The following CHODL variants were observed in gnomAD, a reference collection of about 807,000 sequenced individuals.
The protein encoded by CHODL is chondrolectin, also known as transmembrane protein MT75.
A neutral mutation model predicts 34.5 loss-of-function variants in CHODL; 29 were observed. The observed-to-expected ratio is 0.84, with a 90% CI of 0.63 to 1.15. CHODL has a LOEUF of 1.15. Among genes scored for constraint, CHODL ranks in the 50% most tolerant of loss-of-function variants. The pLI is 0.00. For missense variants in CHODL, 332 were observed against 332.5 expected, an observed-to-expected ratio of 1.00 and a Z score of 0.01; for synonymous variants, 125 against 116.1, an observed-to-expected ratio of 1.08 and a Z score of -0.49.
chr21:18,155,344 A>G (rs2073022719), intron 2 of CHODL, among the ~76,000 whole-genome samples: 1 of 152,160 alleles, frequency 6.6e-6, no homozygotes, highest in Non-Finnish European at 1.5e-5. Flanking sequence ...TTGCAAACTC[A>G]ATGGCATGGA....
intron 2 of CHODL, among the ~76,000 whole-genome samples, chr21:18,211,519 A>G (rs1006179317): frequency 4.6e-5 from 7 of 152,224 alleles, no homozygotes; most frequent in Non-Finnish European, 1.0e-4. Flanking sequence ...TGGTCTTGGG[A>G]CATTGTGAGT....
chr21:18,057,169 A>C (rs1474668534), intron 2 of CHODL, among the ~76,000 whole-genome samples: 1 of 152,042 alleles, frequency 6.6e-6, no homozygotes, highest in Non-Finnish European at 1.5e-5. Context: ...GCATTCTGGG[A>C]GTGGAGTGGG....
At chr21:18,125,781 T>A (rs1314758195) in intron 2 of CHODL, among the ~76,000 whole-genome samples, 1 of 151,946 alleles carries the variant, frequency 6.6e-6, no homozygotes. Flanking sequence ...AAAACTTTTG[T>A]ATGGAAAAAG....
intron 2 of CHODL, among the ~76,000 whole-genome samples, chr21:18,174,529 T>C (rs1290447547): frequency 6.6e-6 from 1 of 152,178 alleles, no homozygotes; most frequent in African/African-American, 2.4e-5. Context: ...TATAAGCTTT[T>C]CTTAATTTGT....
At chr21:18,247,693 T>C (rs2897338) in intron 1 of CHODL, among the ~76,000 whole-genome samples, 10,707 of 152,152 alleles carry the variant, frequency 0.07, 1,236 homozygotes, top group African/African-American at 0.24. Context: ...CAAGATGTGA[T>C]ATGATGATAG....
chr21:18,087,412 C>T (rs186332160), intron 2 of CHODL, among the ~76,000 whole-genome samples: 1 of 152,260 alleles, frequency 6.6e-6, no homozygotes, highest in Admixed American at 6.5e-5. Flanking sequence ...CTGAAAATGG[C>T]ACCTTGGGCA....
chr21:17,997,640 G>C (rs144298398), intron 1 of CHODL, among the ~76,000 whole-genome samples: 1 of 152,120 alleles, frequency 6.6e-6, no homozygotes. Flanking sequence ...GAATCATAGC[G>C]GGAGATGAAA....
rs1170999497 is a variant in CHODL, at chr21:18,084,039, A to G, written c.-45+56068A>G. Among the ~76,000 whole-genome samples the G allele has an allele frequency of 1.3e-5, 2 of 152,144 alleles. 1 individual carries two copies. Among genetic ancestry groups the G allele is most frequent in the Admixed American group, 1.3e-4 (2 of 15,270 alleles). ...AATCTCATCTTGAATTGTAATCCAC[A>G]TGTGTCAGGAAAGGGGCTTGGTGCT... On this transcript the variant is annotated intron_variant, in intron 2 of 6. Coordinates refer to the CHODL transcript ENST00000400127.
At chr21:18,033,083 C>T (rs1009311687) in intron 2 of CHODL, among the ~76,000 whole-genome samples, 7 of 151,812 alleles carry the variant, frequency 4.6e-5, no homozygotes, top group South Asian at 2.1e-4. Context: ...CGGGAGTAAA[C>T]GAGGTCAGAG....
intron 2 of CHODL, 36 bp from the exon 3 acceptor site, chr21:18,256,934 A>G: frequency 6.3e-7 from 1 of 1,599,668 alleles, no homozygotes; most frequent in Non-Finnish European, 8.5e-7. Flanking sequence ...TTTAGTAGGC[A>G]TGTATCTGAG....
intron 2 of CHODL, among the ~76,000 whole-genome samples, chr21:18,206,024 A>G (rs1041534297): frequency 6.6e-6 from 1 of 152,202 alleles, no homozygotes; most frequent in African/African-American, 2.4e-5. Flanking sequence ...TCAATTTTTA[A>G]AAGTTTAACA....
chr21:18,156,009 T>C (rs2073029992), intron 2 of CHODL, among the ~76,000 whole-genome samples: 1 of 152,226 alleles, frequency 6.6e-6, no homozygotes, highest in African/African-American at 2.4e-5. Context: ...GCTACTGCTG[T>C]TTAACTGTCT....
intron 2 of CHODL, among the ~76,000 whole-genome samples, chr21:18,031,855 C>A (rs2824606): frequency 0.46 from 70,353 of 151,904 alleles, 16,702 homozygotes; most frequent in African/African-American, 0.49. Context: ...GAAGAGAGTT[C>A]AAATTACCTT....
chr21:18,242,795 C>A (rs553083354), upstream of CHODL, among the ~76,000 whole-genome samples: 1 of 152,238 alleles, frequency 6.6e-6, no homozygotes, highest in South Asian at 2.1e-4. Flanking sequence ...ATTGAGGATA[C>A]AGTTATTATT....
rs115173945 is a variant in CHODL, at chr21:18,027,011, T to C, written c.-144-861T>C. The stretch of plus-strand genomic sequence containing the variant: ...ATCTGTCCAGGCTGGGCGCAGTGGC[T>C]CATGTCTGTGATCCTAGTGCTTTGG... On this transcript the variant is annotated intron_variant, in intron 1 of 6. Transcript: ENST00000400127. Among the ~76,000 whole-genome samples the C allele has an allele frequency of 1.0e-2, 1,517 of 152,274 alleles. 19 individuals carry two copies. The highest frequency in any genetic ancestry group is 0.033 in the African/African-American group (1,355 of 41,554).
chr21:17,976,361 G>A (rs1316972843), intron 1 of CHODL, among the ~76,000 whole-genome samples: 1 of 151,648 alleles, frequency 6.6e-6, no homozygotes, highest in East Asian at 1.9e-4. Context: ...GACAAGGAGT[G>A]GGTAGATAAT....
Position 18,195,655 on chromosome 21 carries a change from C to G in CHODL, c.-44-60854C>G, listed in dbSNP as rs936027128. Among the ~76,000 whole-genome samples, 8 of 152,212 alleles carry G rather than the reference C, an allele frequency of 5.3e-5. No individual in the cohort carries two copies. In the East Asian group the frequency reaches 9.7e-4, roughly 18 times the overall value. On this transcript the variant is annotated intron_variant, in intron 2 of 6. Coordinates refer to the CHODL transcript ENST00000400127. ...CAGAATTTCTGTATTATATCTGTTT[C>G]AATTATCTGCAGGGCACTTGGCATT...
At chr21:18,234,710 G>C (rs1473664623) in intron 2 of CHODL, among the ~76,000 whole-genome samples, 1 of 152,022 alleles carries the variant, frequency 6.6e-6, no homozygotes, top group Non-Finnish European at 1.5e-5. Context: ...TAAGAAGGGG[G>C]TAGAACAAAA....
chr21:17,974,863 C>T (rs197573), intron 1 of CHODL, among the ~76,000 whole-genome samples: 40,069 of 149,582 alleles, frequency 0.27, 6,969 homozygotes, highest in African/African-American at 0.49. Context: ...TAGAGATTGC[C>T]AAATGTCAAA....
Sources: allele counts gnomAD v4.1 joint callset (sites outside exome capture counted in the v4.1 genomes callset), GRCh38; gene constraint gnomAD v4.1.1; transcripts MANE v1.5; gene names NCBI Gene and HGNC (gene_info 2026-07-23, HGNC 2026-07-21).